The following ARHGAP28 variants were observed in gnomAD, a reference collection of about 807,000 sequenced individuals.
ARHGAP28 encodes the protein Rho GTPase activating protein 28, also known as rho GTPase-activating protein 28.
A neutral mutation model predicts 90.7 loss-of-function variants in ARHGAP28; 56 were observed. The ratio of observed to expected loss-of-function variants is 0.62; its 90% CI spans 0.50 to 0.77. The LOEUF (loss-of-function observed/expected upper bound fraction) is 0.77, where lower values mean the gene tolerates loss of function less well. Ranked by LOEUF, ARHGAP28 falls within the 30% of genes least tolerant of loss-of-function variation. ARHGAP28 has a pLI of 0.00. For synonymous variants in ARHGAP28, 308 were observed against 323.3 expected (o/e 0.95, Z 0.51); for missense variants, 869 against 900.9 (o/e 0.96, Z 0.45).
intron 2 of ARHGAP28, among the ~76,000 whole-genome samples, chr18:6,829,956 GTC>G (rs1202388281): frequency 1.3e-4 from 20 of 152,168 alleles, no homozygotes; most frequent in Admixed American, 1.2e-3. Flanking sequence ...TTCCATGTCT[GTC>G]TCTTACCTTC....
chr18:6,761,171 G>C (rs2056156624), intron 1 of ARHGAP28, among the ~76,000 whole-genome samples: 1 of 151,988 alleles, frequency 6.6e-6, no homozygotes, highest in Non-Finnish European at 1.5e-5. Flanking sequence ...GTGGGGGTGA[G>C]GGCAGGGGCA....
intron 1 of ARHGAP28, among the ~76,000 whole-genome samples, chr18:6,747,645 C>A (rs1353471656): frequency 6.6e-6 from 1 of 152,136 alleles, no homozygotes; most frequent in East Asian, 1.9e-4. Context: ...GCAAAAAATT[C>A]TTTTAGTGCT....
chr18:6,841,170 C>CCTCTT (rs2056811789), intron 3 of ARHGAP28, among the ~76,000 whole-genome samples: 1 of 81,126 alleles, frequency 1.2e-5, no homozygotes, highest in Non-Finnish European at 2.5e-5. Context: ...TCTCTCTCCT[C>CCTCTT]TCTCTCTCTC....
At chr18:6,904,851 T>C (rs2057356832) in intron 16 of ARHGAP28, among the ~76,000 whole-genome samples, 1 of 152,100 alleles carries the variant, frequency 6.6e-6, no homozygotes, top group African/African-American at 2.4e-5. Context: ...CAAAAGCCAC[T>C]AATTACCAAA....
intron 1 of ARHGAP28, among the ~76,000 whole-genome samples, chr18:6,782,590 G>GTTTTTTTTTT (rs1567945690): frequency 1.4e-4 from 3 of 20,922 alleles, no homozygotes; most frequent in African/African-American, 2.3e-4. Context: ...GCTAATTTTT[G>GTTTTTTTTTT]TATTTTTTTT....
At chr18:6,815,354 C>G (rs2056583123) in intron 1 of ARHGAP28, among the ~76,000 whole-genome samples, 1 of 152,136 alleles carries the variant, frequency 6.6e-6, no homozygotes, top group Non-Finnish European at 1.5e-5. Context: ...ACCCATGCCC[C>G]TTTGGGAAAA....
chr18:6,792,718 G>A (rs145559910), intron 1 of ARHGAP28, among the ~76,000 whole-genome samples: 1 of 152,204 alleles, frequency 6.6e-6, no homozygotes, highest in East Asian at 1.9e-4. Context: ...CGCAGTAATC[G>A]TGACCTCTGT....
Position 6,801,429 on chromosome 18 carries a change from A to G in ARHGAP28, c.123-23333A>G, listed in dbSNP as rs185655129. Among the ~76,000 whole-genome samples, 421 of 152,288 alleles carry G rather than the reference A, an allele frequency of 2.8e-3. 3 individuals are homozygous for G. Among genetic ancestry groups the G allele is most frequent in the African/African-American group, 9.0e-3 (376 of 41,570 alleles). Reference sequence around the variant, plus strand: ...AATTTTATAACAAGTCTTGAGACACATAATATAAGTGTGCTGACTTTCTTC... The same window carrying G: ...AATTTTATAACAAGTCTTGAGACACGTAATATAAGTGTGCTGACTTTCTTC... On this transcript the variant is annotated intron_variant, in intron 1 of 17. Transcript: ENST00000383472.
intron 2 of ARHGAP28, among the ~76,000 whole-genome samples, chr18:6,836,478 G>T (rs1271243923): frequency 6.6e-6 from 1 of 152,118 alleles, no homozygotes; most frequent in African/African-American, 2.4e-5. Context: ...CACCTTATCT[G>T]TGCAGTTCAT....
intron 5 of ARHGAP28, among the ~76,000 whole-genome samples, chr18:6,861,228 C>G (rs1185060610): frequency 6.6e-6 from 1 of 152,214 alleles, no homozygotes; most frequent in East Asian, 1.9e-4. Context: ...AGCCTCAACT[C>G]TGCCTCCCTC....
chr18:6,761,081 T>C (rs371618345), intron 1 of ARHGAP28, among the ~76,000 whole-genome samples: 1 of 152,224 alleles, frequency 6.6e-6, no homozygotes, highest in East Asian at 1.9e-4. Flanking sequence ...TATTATACGA[T>C]TCCCTTTATA....
Position 6,896,554 on chromosome 18 carries a change from T to C in ARHGAP28, c.1958T>C (p.Val653Ala). ...GTCCATGCTCCACTTCTCTCCAAGG[T>C]GTCCATGGCCATTCAACTCAACAAT... ...IRVHAPLLSK[V>A]SMAIQLNNQT... Residue 653 changes from valine to alanine, a missense_variant, in exon 16 of 18, where the codon GTG becomes GCG. By Grantham distance (64) the Val-to-Ala change is moderately conservative. Coordinates refer to ENST00000383472, the MANE Select transcript of ARHGAP28 (RefSeq NM_001366230.1). 1.2e-6 allele frequency: 2 copies of C among 1,614,158 alleles called. No homozygotes were observed. Among genetic ancestry groups the C allele is most frequent in the Non-Finnish European group, 1.7e-6 (2 of 1,179,992 alleles).
chr18:6,808,100 G>C (rs532342017), intron 1 of ARHGAP28, among the ~76,000 whole-genome samples: 2 of 151,942 alleles, frequency 1.3e-5, no homozygotes, highest in Non-Finnish European at 1.5e-5. Context: ...ACTCCATCTC[G>C]GCTGGAAGCT....
At chr18:6,886,053 C>T (rs1049078165) in intron 11 of ARHGAP28, among the ~76,000 whole-genome samples, 4 of 151,990 alleles carry the variant, frequency 2.6e-5, no homozygotes, top group Non-Finnish European at 5.9e-5. Context: ...CAATATGATC[C>T]TCCCTCTCTC....
intron 1 of ARHGAP28, among the ~76,000 whole-genome samples, chr18:6,824,088 T>C (rs555812372): frequency 6.6e-6 from 1 of 152,370 alleles, no homozygotes; most frequent in African/African-American, 2.4e-5. Context: ...AACTCTTATG[T>C]CCTTCTCTGC....
intron 1 of ARHGAP28, among the ~76,000 whole-genome samples, chr18:6,804,157 A>G (rs2056502397): frequency 6.6e-6 from 1 of 152,202 alleles, no homozygotes; most frequent in Non-Finnish European, 1.5e-5. Flanking sequence ...ATTTCTTCTC[A>G]AGTGAGCTTT....
intron 1 of ARHGAP28, among the ~76,000 whole-genome samples, chr18:6,733,597 A>C (rs56061391): frequency 0.27 from 41,253 of 152,036 alleles, 6,435 homozygotes; most frequent in South Asian, 0.33. Context: ...CACAAAGTCT[A>C]TTTTGGCTAT....
At chr18:6,908,649 C>A (rs564468569) in intron 16 of ARHGAP28, among the ~76,000 whole-genome samples, 2 of 152,320 alleles carry the variant, frequency 1.3e-5, no homozygotes, top group South Asian at 4.1e-4. Context: ...CCGTGTCCAG[C>A]CTTGATGTGT....
At chr18:6,870,955 C>T (rs1372097141) in intron 7 of ARHGAP28, among the ~76,000 whole-genome samples, 1 of 152,202 alleles carries the variant, frequency 6.6e-6, no homozygotes, top group Non-Finnish European at 1.5e-5. Context: ...CACCTGCCAA[C>T]TTGCCCGGCT....
Sources: allele counts gnomAD v4.1 joint callset (sites outside exome capture counted in the v4.1 genomes callset), GRCh38; gene constraint gnomAD v4.1.1; transcripts MANE v1.5; gene names NCBI Gene and HGNC (gene_info 2026-07-23, HGNC 2026-07-21).